The following CDH12 variants were observed in gnomAD, a reference collection of about 807,000 sequenced individuals.
The protein encoded by CDH12 is cadherin-12.
CDH12 carries 41 observed loss-of-function variants against 74.1 expected under a neutral mutation model. The observed-to-expected ratio is 0.55, with a 90% CI of 0.43 to 0.72. The LOEUF (loss-of-function observed/expected upper bound fraction) is 0.72, where lower values mean the gene tolerates loss of function less well. CDH12 is among the 30% of genes least tolerant of loss of function. The probability of loss-of-function intolerance (pLI) is 0.00; values close to 1 mark genes in which losing one functional copy is unlikely to be tolerated. For missense variants in CDH12, 945 were observed against 977.2 expected, an observed-to-expected ratio of 0.97 and a Z score of 0.44; for synonymous variants, 399 against 355.0, an observed-to-expected ratio of 1.12 and a Z score of -1.39.
At chr5:22,331,235 T>C (rs910236667) in intron 3 of CDH12, among the ~76,000 whole-genome samples, 2 of 152,176 alleles carry the variant, frequency 1.3e-5, no homozygotes, top group Non-Finnish European at 2.9e-5. Flanking sequence ...TGGGGGAGCT[T>C]GCCATTCTAA....
chr5:22,829,130 G>A (rs1302190086), intron 1 of CDH12, among the ~76,000 whole-genome samples: 1 of 152,106 alleles, frequency 6.6e-6, no homozygotes, highest in African/African-American at 2.4e-5. Context: ...TAATAGATGA[G>A]TTATTGGGGA....
chr5:22,039,820 G>A (rs971629704), intron 5 of CDH12, among the ~76,000 whole-genome samples: 1 of 151,892 alleles, frequency 6.6e-6, no homozygotes, highest in Admixed American at 6.6e-5. Context: ...TGATCTAAAA[G>A]TGAAAGTCTT....
At chr5:22,292,044 T>C (rs1248594787) in intron 3 of CDH12, among the ~76,000 whole-genome samples, 1 of 152,010 alleles carries the variant, frequency 6.6e-6, no homozygotes, top group East Asian at 1.9e-4. Flanking sequence ...AGCTCAGAAA[T>C]AAGTCCATGC....
chr5:22,328,395 T>G (rs1165172622), intron 3 of CDH12, among the ~76,000 whole-genome samples: 1 of 152,198 alleles, frequency 6.6e-6, no homozygotes, highest in Non-Finnish European at 1.5e-5. Context: ...GTTCACCACA[T>G]TCATTAAGAG....
chr5:22,349,581 A>G (rs1740267866), intron 3 of CDH12, among the ~76,000 whole-genome samples: 1 of 152,162 alleles, frequency 6.6e-6, no homozygotes, highest in Non-Finnish European at 1.5e-5. Flanking sequence ...CATTCAAGGT[A>G]TTTTCCAATA....
At chr5:22,568,942 T>C (rs1483989512) in intron 1 of CDH12, among the ~76,000 whole-genome samples, 1 of 152,196 alleles carries the variant, frequency 6.6e-6, no homozygotes, top group East Asian at 1.9e-4. Flanking sequence ...GAGGGTCTTG[T>C]CTTGATGTGG....
chr5:22,637,907 T>G (rs755382722), intron 1 of CDH12, among the ~76,000 whole-genome samples: 11 of 152,238 alleles, frequency 7.2e-5, no homozygotes, highest in Non-Finnish European at 1.5e-4. Flanking sequence ...TGTTGCTGTT[T>G]CTTTTTCTTG....
chr5:21,907,287 G>T (rs1343666656), intron 6 of CDH12, among the ~76,000 whole-genome samples: 1 of 152,136 alleles, frequency 6.6e-6, no homozygotes, highest in African/African-American at 2.4e-5. Flanking sequence ...GTGTGTGTAC[G>T]GGGAGTGGGC....
chr5:21,751,169 G>T lies in CDH12; in HGVS notation c.*568C>A, dbSNP rs1028128522. ...AGAAAACCTTTTGAATTAGAAGAAG[G>T]TGGAGATCAGAAAGTGTTCTTCTTT... is the stretch of plus-strand genomic sequence containing the variant. On this transcript the variant is annotated 3_prime_UTR_variant, in exon 15 of 15. Transcript: ENST00000382254. The T allele has an allele frequency of 6.6e-6, 1 of 152,650 alleles. No homozygotes were observed. The highest frequency in any genetic ancestry group is 2.4e-5 in the African/African-American group (1 of 41,428). The allele number at this position is 152,650 out of a possible 1,614,324, so 9.5% of individuals were successfully genotyped here. A position where few individuals can be genotyped will look rare whatever the true frequency, so the allele number is the denominator to read the frequency against.
At position 22,323,736 on chromosome 5, in the gene CDH12, C is replaced by G. The variant is rs183053277; in HGVS notation, c.-333+81521G>C. ...ACAGAGAGTTGTATCACAATAAACA[C>G]AAGACTGAGTGTTGGTACATTTTCA... On this transcript the variant is annotated intron_variant, in intron 3 of 14. Transcript: ENST00000382254. Among the ~76,000 whole-genome samples, 323 of 152,238 alleles carry G rather than the reference C, an allele frequency of 2.1e-3. 1 individual carries two copies. Among genetic ancestry groups the G allele is most frequent in the African/African-American group, 7.4e-3 (306 of 41,556 alleles).
At chr5:22,200,004 A>G (rs1580391887) in intron 4 of CDH12, among the ~76,000 whole-genome samples, 1 of 152,264 alleles carries the variant, frequency 6.6e-6, no homozygotes, top group Admixed American at 6.5e-5. Flanking sequence ...CCTTTTGAGG[A>G]TTATGGTTCC....
chr5:21,993,763 T>G (rs1442331478), intron 5 of CDH12, among the ~76,000 whole-genome samples: 1 of 152,004 alleles, frequency 6.6e-6, no homozygotes, highest in Non-Finnish European at 1.5e-5. Flanking sequence ...CACACTGGGC[T>G]GAATTTTTGC....
chr5:22,587,339 A>G (rs10056514), intron 1 of CDH12, among the ~76,000 whole-genome samples: 152,148 of 152,234 alleles, frequency 1, 76,032 homozygotes, highest in Middle Eastern at 1. Flanking sequence ...CCAGAACACC[A>G]TAAGAATAAA....
chr5:21,817,060 G>C lies in CDH12; in HGVS notation c.887C>G (p.Pro296Arg). 3 of 1,612,858 alleles carry C rather than the reference G, an allele frequency of 1.9e-6. No homozygotes were observed. Among genetic ancestry groups the C allele is most frequent in the Non-Finnish European group, 2.5e-6 (3 of 1,179,282 alleles). ...SAIGRIRAVD[P>R]DFGQNAEIEY... ...AATTTCTGCATTTTGTCCAAAATCA[G>C]GATCCACAGCTCTTATTCTTCCAAT... Residue 296 changes from proline to arginine, a missense_variant, in exon 9 of 15, where the codon CCT (proline) becomes CGT (arginine). Pro to Arg is a moderately radical substitution (Grantham distance 103). Coordinates refer to ENST00000382254, the MANE Select transcript of CDH12 (RefSeq NM_004061.5).
intron 1 of CDH12, among the ~76,000 whole-genome samples, chr5:22,750,037 T>C (rs1409487728): frequency 6.6e-6 from 1 of 152,190 alleles, no homozygotes; most frequent in East Asian, 1.9e-4. Flanking sequence ...TAAGACATCA[T>C]TCCTAATCTA....
intron 11 of CDH12, among the ~76,000 whole-genome samples, chr5:21,773,292 G>T (rs1449621578): frequency 6.6e-6 from 1 of 152,064 alleles, no homozygotes; most frequent in Non-Finnish European, 1.5e-5. Flanking sequence ...TGAGGGTGTT[G>T]CCAAAGGAGA....
chr5:22,669,543 G>T (rs1740798459), intron 1 of CDH12, among the ~76,000 whole-genome samples: 1 of 152,158 alleles, frequency 6.6e-6, no homozygotes, highest in Non-Finnish European at 1.5e-5. Flanking sequence ...GTGGCCATGT[G>T]ACCTAGATTT....
intron 1 of CDH12, among the ~76,000 whole-genome samples, chr5:22,729,800 T>A (rs1744341703): frequency 6.6e-6 from 1 of 151,912 alleles, no homozygotes; most frequent in African/African-American, 2.4e-5. Context: ...TTGGCTAAAT[T>A]CAGTTTCAGG....
At chr5:22,433,553 A>T (rs907734830) in intron 2 of CDH12, among the ~76,000 whole-genome samples, 3 of 152,044 alleles carry the variant, frequency 2.0e-5, no homozygotes, top group Non-Finnish European at 2.9e-5. Flanking sequence ...GTAGAATAAA[A>T]TTTTAAAATA....
Sources: allele counts gnomAD v4.1 joint callset (sites outside exome capture counted in the v4.1 genomes callset), GRCh38; gene constraint gnomAD v4.1.1; transcripts MANE v1.5; gene names NCBI Gene and HGNC (gene_info 2026-07-23, HGNC 2026-07-21).